ZNF385B: variants seen among roughly 807,000 people sequenced by gnomAD.
The protein encoded by ZNF385B is zinc finger protein 385B.
ZNF385B carries 23 observed loss-of-function variants against 39.2 expected under a neutral mutation model. The observed-to-expected ratio is 0.59, with a 90% CI of 0.42 to 0.83. The LOEUF (loss-of-function observed/expected upper bound fraction) is 0.83, where lower values mean the gene tolerates loss of function less well. ZNF385B is among the 40% of genes least tolerant of loss of function. The pLI, the probability that ZNF385B is intolerant of heterozygous loss-of-function variation, is 0.00. For synonymous variants in ZNF385B, 205 were observed against 222.6 expected, an observed-to-expected ratio of 0.92 and a Z score of 0.70; for missense variants, 552 against 598.9, an observed-to-expected ratio of 0.92 and a Z score of 0.82.
intron 3 of ZNF385B, among the ~76,000 whole-genome samples, chr2:179,650,052 C>A (rs565749616): frequency 2.0e-5 from 3 of 152,108 alleles, no homozygotes; most frequent in Admixed American, 6.6e-5. Context: ...TGGCACAAGG[C>A]GGGCAATAAT....
At chr2:179,784,143 T>TA (rs1469223922) in intron 1 of ZNF385B, among the ~76,000 whole-genome samples, 2 of 152,110 alleles carry the variant, frequency 1.3e-5, no homozygotes, top group African/African-American at 2.4e-5. Context: ...TATGCAGCTG[T>TA]AAAAAAGAAT....
intron 3 of ZNF385B, among the ~76,000 whole-genome samples, chr2:179,672,792 A>G (rs1042394519): frequency 6.6e-6 from 1 of 152,200 alleles, no homozygotes; most frequent in Non-Finnish European, 1.5e-5. Flanking sequence ...TCCCAGCCTC[A>G]GAACTGTGAG....
chr2:179,824,087 G>C (rs1707550287), intron 1 of ZNF385B, among the ~76,000 whole-genome samples: 1 of 152,070 alleles, frequency 6.6e-6, no homozygotes, highest in African/African-American at 2.4e-5. Context: ...ATCTTTAGAT[G>C]GTCTCCCCTA....
intron 6 of ZNF385B, among the ~76,000 whole-genome samples, chr2:179,457,741 T>C (rs111826033): frequency 2.0e-5 from 3 of 152,342 alleles, no homozygotes; most frequent in African/African-American, 7.2e-5. Context: ...TTTTTCATTA[T>C]TGATTTATAG....
At chr2:179,767,143 T>G (rs1703749247) in intron 3 of ZNF385B, among the ~76,000 whole-genome samples, 1 of 152,196 alleles carries the variant, frequency 6.6e-6, no homozygotes, top group African/African-American at 2.4e-5. Flanking sequence ...CTAACAACTA[T>G]GAGTAAGCTG....
At chr2:179,486,200 C>T (rs1183923609) in intron 5 of ZNF385B, among the ~76,000 whole-genome samples, 1 of 152,072 alleles carries the variant, frequency 6.6e-6, no homozygotes, top group Non-Finnish European at 1.5e-5. Flanking sequence ...TATTACTGAG[C>T]TTACTCTTTC....
At chr2:179,659,369 T>A (rs1212050893) in intron 3 of ZNF385B, among the ~76,000 whole-genome samples, 1 of 152,208 alleles carries the variant, frequency 6.6e-6, no homozygotes, top group Non-Finnish European at 1.5e-5. Flanking sequence ...AGAAGCATTT[T>A]ATCAATGAAG....
chr2:179,482,387 A>T (rs994978697), intron 6 of ZNF385B, among the ~76,000 whole-genome samples: 2 of 152,248 alleles, frequency 1.3e-5, no homozygotes, highest in Non-Finnish European at 2.9e-5. Flanking sequence ...AGTCTCCTTT[A>T]ACAGACACTG....
intron 5 of ZNF385B, among the ~76,000 whole-genome samples, chr2:179,507,878 T>C (rs1232319600): frequency 1.3e-5 from 2 of 152,190 alleles, no homozygotes; most frequent in Non-Finnish European, 1.5e-5. Context: ...CCACACATCA[T>C]AAAGTTCCTT....
At chr2:179,677,212 C>T (rs1316121867) in intron 3 of ZNF385B, among the ~76,000 whole-genome samples, 5 of 152,176 alleles carry the variant, frequency 3.3e-5, no homozygotes, top group Non-Finnish European at 7.3e-5. Context: ...TCAGCAGGAT[C>T]TAAATTTAGT....
At chr2:179,611,460 T>A (rs3106709) in intron 3 of ZNF385B, among the ~76,000 whole-genome samples, 142,209 of 152,252 alleles carry the variant, frequency 0.93, 66,503 homozygotes, top group East Asian at 1. Flanking sequence ...TTTGTTGAGG[T>A]TTTCTGCATC....
intron 6 of ZNF385B, among the ~76,000 whole-genome samples, chr2:179,466,213 T>C (rs985153324): frequency 3.3e-5 from 5 of 152,214 alleles, no homozygotes; most frequent in Admixed American, 6.6e-5. Context: ...GACAGGGTCA[T>C]AACAACAAAC....
intron 3 of ZNF385B, among the ~76,000 whole-genome samples, chr2:179,559,440 G>A (rs1047741521): frequency 2.0e-5 from 3 of 152,080 alleles, no homozygotes; most frequent in East Asian, 1.9e-4. Context: ...GGGCACTAGC[G>A]ATGTGCAAAA....
Position 179,446,527 on chromosome 2 carries a change from G to A in ZNF385B, c.959C>T (p.Thr320Ile). ...AAATGCAAAAGATAGCTGCTAACCT[G>A]TGTTGTGTGCCTCTAGCTGTGACAG... The part of the protein sequence containing the change: ...NSLSQLEAHN[T>I]GSKHKTMVEA... The change falls in exon 7 of 10, where the codon ACA (threonine) becomes ATA (isoleucine). Residue 320 changes from threonine to isoleucine, a missense_variant and splice_region_variant. Thr to Ile is a moderately conservative substitution (Grantham distance 89, BLOSUM62 -1). Transcript: ENST00000410066. 1 of 1,613,184 alleles carries A rather than the reference G, an allele frequency of 6.2e-7. No homozygotes were observed. Among genetic ancestry groups the A allele is most frequent in the Non-Finnish European group, 8.5e-7 (1 of 1,179,594 alleles).
chr2:179,688,851 A>G (rs966783319), intron 3 of ZNF385B, among the ~76,000 whole-genome samples: 1 of 152,228 alleles, frequency 6.6e-6, no homozygotes, highest in Non-Finnish European at 1.5e-5. Flanking sequence ...CCTGGTAACC[A>G]TGATAAATAC....
chr2:179,739,114 G>C (rs1195450685), intron 3 of ZNF385B, among the ~76,000 whole-genome samples: 1 of 152,158 alleles, frequency 6.6e-6, no homozygotes, highest in Non-Finnish European at 1.5e-5. Context: ...CTGTACTTCA[G>C]TTTCCCTAAT....
At chr2:179,724,396 A>T (rs1700876370) in intron 3 of ZNF385B, among the ~76,000 whole-genome samples, 1 of 152,192 alleles carries the variant, frequency 6.6e-6, no homozygotes, top group African/African-American at 2.4e-5. Flanking sequence ...CAAGAACGAA[A>T]TCTACAGTAT....
rs1368786909 is a variant in ZNF385B, at chr2:179,618,973, G to A, written c.299-74004C>T. On this transcript the variant is annotated intron_variant, in intron 3 of 9. Coordinates refer to ENST00000410066, the MANE Select transcript of ZNF385B (RefSeq NM_152520.6). ...TTCAATTTTTGCTTCAGTGTTCAGC[G>A]AATATAATGCAGTTACTATGAAACA... Among the ~76,000 whole-genome samples, 4 of 152,096 alleles carry A rather than the reference G, an allele frequency of 2.6e-5. No homozygotes were observed. In the East Asian group the frequency reaches 7.7e-4, roughly 29 times the overall value.
chr2:179,486,356 G>A (rs1004014324), intron 5 of ZNF385B, among the ~76,000 whole-genome samples: 1 of 152,106 alleles, frequency 6.6e-6, no homozygotes, highest in Non-Finnish European at 1.5e-5. Flanking sequence ...ACAGGTGGGT[G>A]GAGAAGCCAT....
Sources: allele counts gnomAD v4.1 joint callset (sites outside exome capture counted in the v4.1 genomes callset), GRCh38; gene constraint gnomAD v4.1.1; transcripts MANE v1.5; gene names NCBI Gene and HGNC (gene_info 2026-07-23, HGNC 2026-07-21).